NTM: variants seen among roughly 807,000 people sequenced by gnomAD.
The protein encoded by NTM is IgLON family member 2.
Under a neutral mutation model 42.1 loss-of-function variants are expected in NTM, and 13 were observed. The observed-to-expected ratio is 0.31, with a 90% CI of 0.20 to 0.49. NTM has a LOEUF of 0.49. NTM is among the 20% of genes least tolerant of loss of function. The probability of loss-of-function intolerance (pLI) is 0.99; values close to 1 mark genes in which losing one functional copy is unlikely to be tolerated. For synonymous variants in NTM, 187 were observed against 179.2 expected, an observed-to-expected ratio of 1.04 and a Z score of -0.35; for missense variants, 373 against 452.8, an observed-to-expected ratio of 0.82 and a Z score of 1.60.
At chr11:131,481,906 G>C (rs546235125) in intron 1 of NTM, among the ~76,000 whole-genome samples, 1 of 152,210 alleles carries the variant, frequency 6.6e-6, no homozygotes, top group South Asian at 2.1e-4. Context: ...GTTCCCACTA[G>C]TCCTCCTACT....
chr11:131,461,935 C>CA (rs773000056), intron 1 of NTM, among the ~76,000 whole-genome samples: 16 of 152,056 alleles, frequency 1.1e-4, no homozygotes, highest in Non-Finnish European at 2.2e-4. Context: ...CCAAGAGAAA[C>CA]AAAAACATAG....
chr11:132,326,501 G>T (rs1030280019), intron 7 of NTM, among the ~76,000 whole-genome samples: 1 of 152,198 alleles, frequency 6.6e-6, no homozygotes, highest in Non-Finnish European at 1.5e-5. Flanking sequence ...GCCCCCATCT[G>T]CTGAGACAAA....
At chr11:131,419,163 CAAA>C in intron 1 of NTM, among the ~76,000 whole-genome samples, 1 of 151,956 alleles carries the variant, frequency 6.6e-6, no homozygotes, top group East Asian at 2.0e-4. Flanking sequence ...TAAAAACAAA[CAAA>C]CAAACAAACA....
At chr11:132,071,933 C>T (rs1236176425) in intron 2 of NTM, among the ~76,000 whole-genome samples, 3 of 152,144 alleles carry the variant, frequency 2.0e-5, no homozygotes, top group Admixed American at 6.5e-5. Flanking sequence ...CTCACACCTA[C>T]CTGGATATTC....
At chr11:132,190,466 G>A (rs61906018) in intron 3 of NTM, among the ~76,000 whole-genome samples, 1 of 152,102 alleles carries the variant, frequency 6.6e-6, no homozygotes. Flanking sequence ...GGCCGGGTGT[G>A]GTGGCTCACA....
At chr11:131,389,246 C>T (rs1314849830) in intron 1 of NTM, among the ~76,000 whole-genome samples, 3 of 152,154 alleles carry the variant, frequency 2.0e-5, no homozygotes, top group African/African-American at 7.2e-5. Flanking sequence ...CCCTTACCTG[C>T]CCCAGGTGAC....
At chr11:131,575,455 G>A (rs571441683) in intron 1 of NTM, among the ~76,000 whole-genome samples, 27 of 152,294 alleles carry the variant, frequency 1.8e-4, no homozygotes, top group Admixed American at 1.5e-3. Context: ...ATATAGAGAT[G>A]TTCAGTACTG....
In NTM at chr11:131,380,243, C is replaced by G. The variant is rs554810177; in HGVS notation, c.82+9355C>G. ...TTTTTTTTTTTTTGAGATGGAGTCT[C>G]CTGCCTAGGCTTCAGATGCAATGGT... is the stretch of plus-strand genomic sequence containing the variant. On this transcript the variant is annotated intron_variant, in intron 1 of 8. Coordinates refer to ENST00000683400, the MANE Select transcript of NTM (RefSeq NM_001352005.2). Among the ~76,000 whole-genome samples, 36 of 146,552 alleles carry G rather than the reference C, an allele frequency of 2.5e-4. No individual in the cohort carries two copies. The East Asian group carries it at 7.1e-3, about 29-fold the overall frequency.
intron 2 of NTM, among the ~76,000 whole-genome samples, chr11:132,009,427 G>C (rs183927509): frequency 6.6e-6 from 1 of 152,310 alleles, no homozygotes; most frequent in Non-Finnish European, 1.5e-5. Flanking sequence ...CTAAGAGAAA[G>C]AGTGTGAGCA....
chr11:131,891,833 T>C (rs1356603418), intron 1 of NTM, among the ~76,000 whole-genome samples: 1 of 152,254 alleles, frequency 6.6e-6, no homozygotes, highest in African/African-American at 2.4e-5. Flanking sequence ...ATTTTTTCAC[T>C]GGGCCTAATT....
intron 1 of NTM, among the ~76,000 whole-genome samples, chr11:131,906,990 G>T (rs1305519158): frequency 6.6e-6 from 1 of 152,132 alleles, no homozygotes; most frequent in Non-Finnish European, 1.5e-5. Flanking sequence ...CTGCCCTAGA[G>T]GCATCTCTTT....
intron 4 of NTM, among the ~76,000 whole-genome samples, chr11:132,261,524 T>G (rs1052350444): frequency 1.3e-5 from 2 of 152,186 alleles, no homozygotes; most frequent in African/African-American, 4.8e-5. Context: ...GGTCTTCTTC[T>G]TTGTTTAGTC....
At chr11:131,722,558 C>T (rs2078495134) in intron 1 of NTM, among the ~76,000 whole-genome samples, 1 of 152,152 alleles carries the variant, frequency 6.6e-6, no homozygotes, top group Non-Finnish European at 1.5e-5. Flanking sequence ...AAGTTTAATC[C>T]ACTGATGAGA....
chr11:132,288,074 T>C (rs1270782702), intron 4 of NTM, among the ~76,000 whole-genome samples: 3 of 152,268 alleles, frequency 2.0e-5, no homozygotes, highest in East Asian at 3.8e-4. Flanking sequence ...TTTAGTATTG[T>C]GTGCAGCGCA....
chr11:132,290,957 G>T (rs764940040), intron 4 of NTM, among the ~76,000 whole-genome samples: 1 of 152,100 alleles, frequency 6.6e-6, no homozygotes, highest in African/African-American at 2.4e-5. Context: ...AGTTGTTTCC[G>T]TTAGATCTGA....
intron 2 of NTM, among the ~76,000 whole-genome samples, chr11:131,925,383 C>CTTTTTTTTT (rs61493262): frequency 9.0e-6 from 1 of 111,456 alleles, no homozygotes; most frequent in Non-Finnish European, 1.8e-5. Context: ...TTTCTTTTCT[C>CTTTTTTTTT]TTTTTTTTTT....
intron 1 of NTM, among the ~76,000 whole-genome samples, chr11:131,517,766 T>C (rs1157318429): frequency 6.6e-6 from 1 of 152,156 alleles, no homozygotes; most frequent in African/African-American, 2.4e-5. Flanking sequence ...ATGTTGGATC[T>C]AACTAGTTCA....
At chr11:132,271,684 A>G (rs1470154702) in intron 4 of NTM, among the ~76,000 whole-genome samples, 9 of 150,414 alleles carry the variant, frequency 6.0e-5, no homozygotes, top group African/African-American at 1.5e-4. Flanking sequence ...TTGGCCATTC[A>G]TACATCTTTG....
chr11:131,832,919 G>A (rs1167882492), intron 1 of NTM, among the ~76,000 whole-genome samples: 1 of 152,172 alleles, frequency 6.6e-6, no homozygotes, highest in Non-Finnish European at 1.5e-5. Context: ...TCTGTTGTAA[G>A]GTATTTGTTG....
Sources: allele counts gnomAD v4.1 joint callset (sites outside exome capture counted in the v4.1 genomes callset), GRCh38; gene constraint gnomAD v4.1.1; transcripts MANE v1.5; gene names NCBI Gene and HGNC (gene_info 2026-07-23, HGNC 2026-07-21).